Variants in DNAH17 observed in about 807,000 individuals in gnomAD.
DNAH17 encodes axonemal beta dynein heavy chain 17.
DNAH17 carries 376 observed loss-of-function variants against 485.6 expected under a neutral mutation model. The observed-to-expected ratio is 0.77, with a 90% CI of 0.71 to 0.84. The LOEUF (loss-of-function observed/expected upper bound fraction) is 0.84. Among genes scored for constraint, DNAH17 ranks in the 40% least tolerant of loss-of-function variants. The pLI is 0.00. For synonymous variants in DNAH17, 3,031 were observed against 2,405.9 expected (o/e 1.26, Z -7.60); for missense variants, 6,370 against 5,839.3 (o/e 1.09, Z -2.96).
At chr17:78,561,444 C>T (rs1568258018) in intron 12 of DNAH17, among the ~76,000 whole-genome samples, 1 of 152,114 alleles carries the variant, frequency 6.6e-6, no homozygotes, top group Non-Finnish European at 1.5e-5. Flanking sequence ...GCTGCATACA[C>T]AGCCTCTTCC....
intron 48 of DNAH17, among the ~76,000 whole-genome samples, chr17:78,483,873 G>C (rs551047253): frequency 4.5e-4 from 69 of 152,102 alleles, no homozygotes; most frequent in Non-Finnish European, 9.0e-4. Flanking sequence ...AAGGCGGGCG[G>C]ATCACCTGAG....
chr17:78,510,153 G>C (rs1157132876), intron 27 of DNAH17, among the ~76,000 whole-genome samples: 1 of 152,234 alleles, frequency 6.6e-6, no homozygotes, highest in Non-Finnish European at 1.5e-5. Context: ...CTGCACTCCA[G>C]CCTGGGCAAC....
In DNAH17 at chr17:78,426,235, G is replaced by GCT. The variant is rs111742920; in HGVS notation, c.12915+220_12915+221dup. On this transcript the variant is annotated intron_variant, in intron 79 of 80. Transcript: ENST00000389840. ...GCTTGAGGAGGAGCTGATGGAAGCT[G>GCT]CTCTGCGGCCTGGCTTGTTTTCCTC... 0.16 allele frequency among the ~76,000 whole-genome samples: 23,746 copies of GCT among 152,210 alleles called. 1,980 individuals carry two copies. The highest frequency in any genetic ancestry group is 0.2 in the Middle Eastern group (58 of 294).
rs1037692736 is a variant in DNAH17 at position 78,576,689 on chromosome 17, G to A, written c.-26+606C>T. On this transcript the variant is annotated intron_variant, in intron 1 of 80. Coordinates refer to ENST00000389840, the MANE Select transcript of DNAH17 (RefSeq NM_173628.4). ...GGAAGTCTCGCCAAGCTGGTCAGGC[G>A]ACTGGACTGGAGGGAAACATCCTCT... Among the ~76,000 whole-genome samples, 6 of 152,300 alleles carry A rather than the reference G, an allele frequency of 3.9e-5. No individual in the cohort carries two copies. In the South Asian group the frequency reaches 8.3e-4, roughly 21 times the overall value.
chr17:78,552,861 C>T (rs958952192), intron 14 of DNAH17, 56 bp from the exon 15 acceptor site: 1 of 1,259,226 alleles, frequency 7.9e-7, no homozygotes, highest in East Asian at 2.3e-5. Context: ...TTAAATTGTT[C>T]TCTGGTAAGG....
At chr17:78,460,416 G>A (rs959772075) in intron 58 of DNAH17, among the ~76,000 whole-genome samples, 159 bp from the exon 59 acceptor site, 1 of 151,804 alleles carries the variant, frequency 6.6e-6, no homozygotes, top group Non-Finnish European at 1.5e-5. Flanking sequence ...GTGTGTGCAT[G>A]TATGTGTATG....
rs1157464118 is a variant in DNAH17 at position 78,446,173 on chromosome 17, C to CAAAAAAAAA, written c.11212-502_11212-494dup. Among the ~76,000 whole-genome samples, 105 of 57,384 alleles carry CAAAAAAAAA rather than the reference C, an allele frequency of 1.8e-3. 9 individuals carry two copies. Among genetic ancestry groups the CAAAAAAAAA allele is most frequent in the South Asian group, 3.0e-3 (3 of 998 alleles). 37.6% of individuals were successfully genotyped at this position (57,384 alleles called of 152,430 possible). ...TGGGCAACAGAGTGAGACTCTGTCT[C>CAAAAAAAAA]AAAAAAAAAAAAAAAAAAAAAAAAA... On this transcript the variant is annotated intron_variant, in intron 69 of 80. Transcript: ENST00000389840.
chr17:78,432,717 G>A (rs75027531), intron 75 of DNAH17, among the ~76,000 whole-genome samples: 3,205 of 152,296 alleles, frequency 0.021, 114 homozygotes, highest in African/African-American at 0.073. Context: ...TAGTGGCCCA[G>A]GTCTTGAGCT....
Position 78,524,771 on chromosome 17 carries a change from AAG to A in DNAH17, c.3864+236_3864+237del, listed in dbSNP as rs377592413. On this transcript the variant is annotated intron_variant, in intron 25 of 80. Transcript: ENST00000389840. The stretch of plus-strand genomic sequence containing the variant: ...AAAGACGAAGGGAGGGGAAAAAAGA[AAG>A]GGGGGCAGTCAAAGGCGAGCCCCCA... Among the ~76,000 whole-genome samples the A allele has an allele frequency of 1.8e-3, 270 of 152,296 alleles. 1 individual carries two copies. Among genetic ancestry groups the A allele is most frequent in the African/African-American group, 6.1e-3 (254 of 41,562 alleles).
intron 11 of DNAH17, 34 bp from the exon 12 acceptor site, chr17:78,562,014 C>T (rs546543665): frequency 4.6e-6 from 7 of 1,529,914 alleles, no homozygotes. Context: ...CTCTTCACCA[C>T]AGTCTCCTCC....
intron 6 of DNAH17, 74 bp downstream of exon 6, chr17:78,570,874 A>AAAG: frequency 3.7e-6 from 3 of 800,010 alleles, no homozygotes; most frequent in African/African-American, 4.3e-5. Context: ...AAAAAAAAAA[A>AAAG]AAAAGAAAAA....
chr17:78,454,444 G>A (rs184807499), intron 64 of DNAH17, 26 bp downstream of exon 64: 7 of 1,582,928 alleles, frequency 4.4e-6, no homozygotes, highest in African/African-American at 2.7e-5. Context: ...GCCGGGCTTC[G>A]GCCCAGGTCC....
chr17:78,543,976 A>G lies in DNAH17; in HGVS notation c.2413T>C (p.Phe805Leu). ...AMKDWSANPL[F>L]ERKDNKKEAL... ...TCTTTCTTATTGTCCTTTCTTTCAA[A>G]CAGCGGGTTGGCCGACCAGTCCTGG... The change falls in exon 17 of 81, where the codon TTT becomes CTT. Residue 805 changes from phenylalanine (F) to leucine (L), a missense_variant. Coordinates refer to ENST00000389840, the MANE Select transcript of DNAH17 (RefSeq NM_173628.4). 3 of 1,613,994 alleles carry G rather than the reference A, an allele frequency of 1.9e-6. No homozygotes were observed. Among genetic ancestry groups the G allele is most frequent in the South Asian group, 2.2e-5 (2 of 91,084 alleles).
chr17:78,496,145 A>G (rs2090062268), intron 37 of DNAH17, 113 bp from the exon 38 acceptor site: 2 of 1,155,792 alleles, frequency 1.7e-6, no homozygotes, highest in Admixed American at 2.7e-5. Context: ...CTGCAAATTC[A>G]AACCTCCTAG....
intron 26 of DNAH17, chr17:78,510,751 G>GCC (rs3031639): frequency 0.11 from 40,855 of 376,672 alleles, 2,415 homozygotes; most frequent in Non-Finnish European, 0.13. Flanking sequence ...CGGAATTGCG[G>GCC]CCCCCCCGCA....
Position 78,570,941 on chromosome 17 carries a change from T to G in DNAH17, c.918+7A>C. The G allele has an allele frequency of 3.2e-6, 5 of 1,578,818 alleles. No homozygotes were observed. The highest frequency in any genetic ancestry group is 4.3e-6 in the Non-Finnish European group (5 of 1,162,262). The stretch of plus-strand genomic sequence containing the variant: ...CCACCAAAGCCGGCTCTCCCTTGCC[T>G]GCGCACCATCGTGAAGTCGGCTTGT... On this transcript the variant is annotated splice_region_variant and intron_variant, in intron 6 of 80. Transcript: ENST00000389840.
chr17:78,450,572 G>A (rs537003304), intron 67 of DNAH17, 110 bp downstream of exon 67: 29 of 1,444,274 alleles, frequency 2.0e-5, no homozygotes, highest in South Asian at 5.3e-5. Context: ...ACTCGGGCAC[G>A]TATGACCGAA....
In DNAH17 at chr17:78,501,303, C is replaced by G. The variant is rs2090280118; in HGVS notation, c.5364G>C (p.Arg1788=). 1 of 1,605,554 alleles carries G rather than the reference C, an allele frequency of 6.2e-7. No homozygotes were observed. The highest frequency in any genetic ancestry group is 1.7e-5 in the Admixed American group (1 of 59,850). The change falls in exon 35 of 81, where the codon CGG becomes CGC. Residue 1788 remains arginine, a synonymous_variant. Transcript: ENST00000389840. The part of the protein sequence containing the change: ...SQAFTWQAQL[R]HRWDEEKRHC... Reference sequence around the variant, plus strand: ...GTCGCTTCTCTTCGTCCCAGCGATGCCGGAGCTGGGCCTGCCAGGTGAAGG... The same window carrying G: ...GTCGCTTCTCTTCGTCCCAGCGATGGCGGAGCTGGGCCTGCCAGGTGAAGG...
At chr17:78,441,315 G>A (rs1029101649) in intron 71 of DNAH17, 116 bp from the exon 72 acceptor site, 25 of 1,157,262 alleles carry the variant, frequency 2.2e-5, no homozygotes, top group South Asian at 6.0e-5. Context: ...TTTCTTCAGC[G>A]GGACAAGGCC....
Sources: gnomAD v4.1 joint callset for allele counts (sites outside exome capture counted in the v4.1 genomes callset) on GRCh38, gnomAD v4.1.1 for gene constraint, MANE v1.5 for transcripts, NCBI Gene and HGNC (gene_info 2026-07-23, HGNC 2026-07-21) for gene names.